Variants in HACD2 observed in about 807,000 individuals in gnomAD.
The protein encoded by HACD2 is very-long-chain (3R)-3-hydroxyacyl-CoA dehydratase 2.
HACD2 carries 15 observed loss-of-function variants against 31.0 expected under a neutral mutation model. The ratio of observed to expected loss-of-function variants is 0.48; its 90% CI spans 0.32 to 0.75. The LOEUF (loss-of-function observed/expected upper bound fraction) is 0.75. HACD2 is among the 30% of genes least tolerant of loss of function. The probability of loss-of-function intolerance (pLI) is 0.03; values close to 1 mark genes in which losing one functional copy is unlikely to be tolerated. For missense variants in HACD2, 283 were observed against 313.0 expected (o/e 0.90, Z 0.72); for synonymous variants, 115 against 122.2 (o/e 0.94, Z 0.39).
rs115321658 is a variant in HACD2, at chr3:123,510,631, T to C, written c.382-7950A>G. ...CCTTCCTTTTTGTGTCTGAAAAATA[T>C]GTCATTGTACGTATATACTACATTT... is the stretch of plus-strand genomic sequence containing the variant. On this transcript the variant is annotated intron_variant, in intron 4 of 6. Coordinates refer to ENST00000383657, the MANE Select transcript of HACD2 (RefSeq NM_198402.5). 4.3e-3 allele frequency among the ~76,000 whole-genome samples: 661 copies of C among 152,346 alleles called. 4 individuals are homozygous for C. Among genetic ancestry groups the C allele is most frequent in the African/African-American group, 0.015 (643 of 41,578 alleles).
intron 6 of HACD2, 115 bp downstream of exon 6, chr3:123,500,400 C>A: frequency 1.4e-6 from 1 of 707,482 alleles, no homozygotes. Flanking sequence ...CAAGAATTCC[C>A]AATAAATGAG....
intron 3 of HACD2, among the ~76,000 whole-genome samples, chr3:123,563,719 C>T (rs2056760984): frequency 6.6e-6 from 1 of 151,518 alleles, no homozygotes; most frequent in Non-Finnish European, 1.5e-5. Context: ...TATGAATATA[C>T]TGTGGAATGA....
chr3:123,515,535 G>A (rs2107693528), intron 4 of HACD2, among the ~76,000 whole-genome samples: 1 of 152,106 alleles, frequency 6.6e-6, no homozygotes, highest in East Asian at 1.9e-4. Flanking sequence ...TGCAGTGCTG[G>A]TGCTGGTTGG....
intron 4 of HACD2, among the ~76,000 whole-genome samples, chr3:123,509,230 A>T (rs1295436446): frequency 1.3e-5 from 2 of 151,984 alleles, no homozygotes; most frequent in Non-Finnish European, 2.9e-5. Flanking sequence ...AAAATGCAAA[A>T]ACTATTAGCT....
chr3:123,533,883 A>C (rs1246251388), intron 3 of HACD2, among the ~76,000 whole-genome samples: 1 of 152,210 alleles, frequency 6.6e-6, no homozygotes, highest in Non-Finnish European at 1.5e-5. Context: ...CATGATTACA[A>C]CTTGGTTTCA....
chr3:123,512,653 A>T (rs1229589255), intron 4 of HACD2, among the ~76,000 whole-genome samples: 1 of 152,204 alleles, frequency 6.6e-6, no homozygotes, highest in African/African-American at 2.4e-5. Context: ...CAAAAAAATC[A>T]ATATATTAAG....
At chr3:123,506,431 G>A (rs1258958918) in intron 4 of HACD2, among the ~76,000 whole-genome samples, 5 of 151,802 alleles carry the variant, frequency 3.3e-5, no homozygotes, top group Admixed American at 3.3e-4. Flanking sequence ...TTTTTTTCTT[G>A]AGACTGGGTC....
intron 6 of HACD2, among the ~76,000 whole-genome samples, chr3:123,496,925 G>A (rs931965837): frequency 6.6e-6 from 1 of 152,202 alleles, no homozygotes; most frequent in Non-Finnish European, 1.5e-5. Flanking sequence ...CAAGGAAGAA[G>A]ATGGCCACGC....
chr3:123,578,183 C>T (rs2054910051), intron 2 of HACD2, among the ~76,000 whole-genome samples: 2 of 152,162 alleles, frequency 1.3e-5, no homozygotes, highest in African/African-American at 4.8e-5. Context: ...TTTATCCAGG[C>T]ATATATCAGT....
chr3:123,515,525 T>G (rs1364999139), intron 4 of HACD2, among the ~76,000 whole-genome samples: 1 of 152,172 alleles, frequency 6.6e-6, no homozygotes, highest in Admixed American at 6.5e-5. Context: ...CCTAAGGGGC[T>G]GCAGTGCTGG....
At chr3:123,517,180 C>T (rs950925363) in intron 4 of HACD2, among the ~76,000 whole-genome samples, 1 of 152,190 alleles carries the variant, frequency 6.6e-6, no homozygotes, top group African/African-American at 2.4e-5. Context: ...GGCTTAATTA[C>T]AAAGAAATGC....
intron 3 of HACD2, among the ~76,000 whole-genome samples, chr3:123,529,788 G>A (rs1209155158): frequency 6.6e-6 from 1 of 151,986 alleles, no homozygotes; most frequent in Non-Finnish European, 1.5e-5. Flanking sequence ...TATAAAACCT[G>A]GTTATATAAT....
At chr3:123,581,530 A>G (rs1475401369) in intron 2 of HACD2, among the ~76,000 whole-genome samples, 4 of 152,172 alleles carry the variant, frequency 2.6e-5, no homozygotes, top group Non-Finnish European at 5.9e-5. Flanking sequence ...ACATTCAAAG[A>G]GAAACAGACA....
rs982090515 is a variant in HACD2, at chr3:123,526,288, A to C, written c.381+2098T>G. 2.6e-5 allele frequency among the ~76,000 whole-genome samples: 4 copies of C among 152,230 alleles called. No individual in the cohort carries two copies. The East Asian group carries it at 7.7e-4, about 29-fold the overall frequency. ...CGTAGGGCAGGGATGGAGGGCACCT[A>C]CTGCTCTAAACAAAACGATGAATGA... On this transcript the variant is annotated intron_variant, in intron 4 of 6. Coordinates refer to ENST00000383657, the MANE Select transcript of HACD2 (RefSeq NM_198402.5).
intron 2 of HACD2, among the ~76,000 whole-genome samples, chr3:123,574,012 G>A (rs1308268079): frequency 1.3e-5 from 2 of 152,178 alleles, no homozygotes; most frequent in African/African-American, 2.4e-5. Flanking sequence ...AATCGAGGGC[G>A]AGAGAGGTTA....
intron 3 of HACD2, among the ~76,000 whole-genome samples, chr3:123,532,323 C>T (rs919317942): frequency 6.6e-6 from 1 of 152,166 alleles, no homozygotes; most frequent in Admixed American, 6.5e-5. Flanking sequence ...GCATAGACAA[C>T]TACTTCAACC....
At chr3:123,506,285 G>A (rs1576731595) in intron 4 of HACD2, among the ~76,000 whole-genome samples, 1 of 152,308 alleles carries the variant, frequency 6.6e-6, no homozygotes, top group East Asian at 1.9e-4. Context: ...CTCCCTGCTT[G>A]ATGGCAAGGT....
intron 3 of HACD2, among the ~76,000 whole-genome samples, chr3:123,563,375 A>G (rs1365401103): frequency 6.6e-6 from 1 of 152,214 alleles, no homozygotes; most frequent in East Asian, 1.9e-4. Context: ...GCAGATGAGC[A>G]TGGAGTGGGA....
intron 3 of HACD2, among the ~76,000 whole-genome samples, chr3:123,538,563 A>G (rs1244078906): frequency 6.6e-6 from 1 of 152,206 alleles, no homozygotes; most frequent in Non-Finnish European, 1.5e-5. Context: ...AACTAAGTAC[A>G]GAGGTGCTTC....
Sources: gnomAD v4.1 joint callset for allele counts (sites outside exome capture counted in the v4.1 genomes callset) on GRCh38, gnomAD v4.1.1 for gene constraint, MANE v1.5 for transcripts, NCBI Gene and HGNC (gene_info 2026-07-23, HGNC 2026-07-21) for gene names.